ESYT3: variants seen among roughly 807,000 people sequenced by gnomAD.
ESYT3 encodes extended synaptotagmin-3.
In ESYT3, 101 loss-of-function variants were observed where a neutral mutation model predicts 111.5. That is an observed-to-expected ratio of 0.91 (90% CI 0.77 to 1.07). The LOEUF is 1.07. Among genes scored for constraint, ESYT3 ranks in the 50% least tolerant of loss-of-function variants. ESYT3 has a pLI of 0.00. For synonymous variants in ESYT3, 416 were observed against 446.8 expected, an observed-to-expected ratio of 0.93 and a Z score of 0.87; for missense variants, 1,097 against 1,109.4, an observed-to-expected ratio of 0.99 and a Z score of 0.16.
In ESYT3 at chr3:138,469,503, A is replaced by G. The variant is rs1364830305; in HGVS notation, c.1502A>G (p.Lys501Arg). 1 of 1,613,790 alleles carries G rather than the reference A, an allele frequency of 6.2e-7. No individual in the cohort carries two copies. Among genetic ancestry groups the G allele is most frequent in the Non-Finnish European group, 8.5e-7 (1 of 1,179,734 alleles). ...LSVGKKTHTS[K>R]TCPHNKDPVW... is the part of the protein sequence containing the mutation. Reference sequence around the variant, plus strand: ...GTAGGCAAGAAGACACATACAAGTAAGGTAAGACAGCTTGGTGTGTAGCCC... The same window carrying G: ...GTAGGCAAGAAGACACATACAAGTAGGGTAAGACAGCTTGGTGTGTAGCCC... The change falls in exon 15 of 23, where the codon AAG (lysine) becomes AGG (arginine). Residue 501 changes from lysine to arginine, a missense_variant and splice_region_variant. Lys to Arg is a conservative substitution (Grantham distance 26). Coordinates refer to ENST00000389567, the MANE Select transcript of ESYT3 (RefSeq NM_031913.5).
intron 1 of ESYT3, among the ~76,000 whole-genome samples, chr3:138,444,657 T>C (rs1295573274): frequency 1.3e-5 from 2 of 152,192 alleles, no homozygotes; most frequent in Admixed American, 1.3e-4. Flanking sequence ...CCTGCCTGGC[T>C]ACAGAAAGCA....
intron 4 of ESYT3, 82 bp downstream of exon 4, chr3:138,457,726 T>C: frequency 3.0e-6 from 4 of 1,323,508 alleles, no homozygotes; most frequent in Non-Finnish European, 4.3e-6. Context: ...GAGTAGTATA[T>C]ATATACTCTG....
intron 11 of ESYT3, 63 bp from the exon 12 acceptor site, chr3:138,468,042 C>T: frequency 2.0e-6 from 3 of 1,503,624 alleles, no homozygotes; most frequent in Admixed American, 3.4e-5. Flanking sequence ...ACTGGGCTGC[C>T]CAGAGAGCAT....
rs1560204065 is a variant in ESYT3 at position 138,435,043 on chromosome 3, G to T, written c.245G>T (p.Arg82Leu). Reference protein sequence around the residue: ...WRRNRRGKLGRLAAAFEFLDN... With the variant: ...WRRNRRGKLGLLAAAFEFLDN... ...AGGAACCGCCGCGGGAAGCTTGGGC[G>T]CCTGGCCGCCGCCTTCGAATTCCTT... Residue 82 changes from arginine (R) to leucine (L), a missense_variant, in exon 1 of 23, where the codon CGC (arginine) becomes CTC (leucine). Arg to Leu is a moderately radical substitution (Grantham distance 102). Coordinates refer to ENST00000389567, the MANE Select transcript of ESYT3 (RefSeq NM_031913.5). The surrounding 1 kb of genome is among the most constrained non-coding windows in gnomAD (Gnocchi z 4.8). The T allele has an allele frequency of 1.9e-6, 3 of 1,586,816 alleles. No homozygotes were observed. The highest frequency in any genetic ancestry group is 2.6e-6 in the Non-Finnish European group (3 of 1,168,338).
At chr3:138,457,542 C>T (rs764687368) in intron 3 of ESYT3, 26 bp from the exon 4 acceptor site, 9 of 1,612,518 alleles carry the variant, frequency 5.6e-6, no homozygotes, top group South Asian at 5.5e-5. Context: ...AAGCCTCTGA[C>T]CTAGCCCTTT....
rs1274767986 is a variant in ESYT3 at position 138,458,701 on chromosome 3, G to A, written c.582-486G>A. On this transcript the variant is annotated intron_variant, in intron 4 of 22. Coordinates refer to ENST00000389567, the MANE Select transcript of ESYT3 (RefSeq NM_031913.5). The stretch of plus-strand genomic sequence containing the variant: ...TTGGGCTTCTGTGCTGAAGCCTGAC[G>A]CCTTGTTACCTTTGCCCACCTCCAC... Among the ~76,000 whole-genome samples, 3 of 152,324 alleles carry A rather than the reference G, an allele frequency of 2.0e-5. 1 individual carries two copies. Among genetic ancestry groups the A allele is most frequent in the African/African-American group, 4.8e-5 (2 of 41,572 alleles).
intron 1 of ESYT3, among the ~76,000 whole-genome samples, chr3:138,444,271 G>T (rs936057361): frequency 1.3e-5 from 2 of 152,220 alleles, no homozygotes; most frequent in Non-Finnish European, 2.9e-5. Context: ...GGAGGCCTCA[G>T]ATGGGGAGGG....
Position 138,455,182 on chromosome 3 carries a change from C to T in ESYT3, c.370-12C>T, listed in dbSNP as rs1238048297. ...AGACCTGACTACCAAGAGCCTCTTC[C>T]CGTCTTCACAGATCATCTCTCAGAC... On this transcript the variant is annotated splice_polypyrimidine_tract_variant and intron_variant, in intron 2 of 22. Transcript: ENST00000389567. The T allele has an allele frequency of 6.2e-7, 1 of 1,614,044 alleles. No individual in the cohort carries two copies. The highest frequency in any genetic ancestry group is 2.2e-5 in the East Asian group (1 of 44,888).
chr3:138,471,192 C>T (rs956449923), intron 17 of ESYT3, among the ~76,000 whole-genome samples, 166 bp downstream of exon 17: 1 of 152,150 alleles, frequency 6.6e-6, no homozygotes, highest in African/African-American at 2.4e-5. Flanking sequence ...AGTCAATATT[C>T]AAAGAGATAC....
At chr3:138,455,673 C>T (rs762093786) in intron 3 of ESYT3, among the ~76,000 whole-genome samples, 6 of 152,214 alleles carry the variant, frequency 3.9e-5, no homozygotes, top group Non-Finnish European at 7.3e-5. Context: ...ATCATAGTTG[C>T]TAACCTCAGA....
At chr3:138,467,499 C>T (rs1439543819) in intron 10 of ESYT3, 62 bp from the exon 11 acceptor site, 3 of 1,545,344 alleles carry the variant, frequency 1.9e-6, no homozygotes, top group East Asian at 4.5e-5. Context: ...GTGTGGGCCT[C>T]CATGCCCTCT....
rs1175063422 is a variant in ESYT3 at position 138,435,092 on chromosome 3, C to T, written c.294C>T (p.Ser98=). 3 of 1,589,756 alleles carry T rather than the reference C, an allele frequency of 1.9e-6. No individual in the cohort carries two copies. The highest frequency in any genetic ancestry group is 8.5e-7 in the Non-Finnish European group (1 of 1,170,728). ...TTGACAATGAACGCGAGTTCATCAG[C>T]CGCGAGCTGCGGGGCCAGCACCTGC... ...EFLDNEREFI[S]RELRGQHLPA... Residue 98 remains serine (S), a synonymous_variant, in exon 1 of 23, where the codon AGC becomes AGT. Transcript: ENST00000389567. The surrounding 1 kb of genome is among the most constrained non-coding windows in gnomAD (Gnocchi z 4.8).
chr3:138,473,465 T>G, intron 18 of ESYT3, 71 bp from the exon 19 acceptor site: 1 of 1,348,328 alleles, frequency 7.4e-7, no homozygotes, highest in Non-Finnish European at 1.1e-6. Flanking sequence ...AATGCTTCTT[T>G]GTCTTTGGGG....
intron 1 of ESYT3, among the ~76,000 whole-genome samples, chr3:138,444,748 C>G (rs997296626): frequency 6.6e-6 from 1 of 152,154 alleles, no homozygotes; most frequent in African/African-American, 2.4e-5. Flanking sequence ...TGTTTTTTGC[C>G]TTTTGGCTCT....
chr3:138,468,725 G>T lies in ESYT3; in HGVS notation c.1371+8G>T, dbSNP rs368261418. The T allele has an allele frequency of 1.2e-6, 2 of 1,614,004 alleles. No homozygotes were observed. The highest frequency in any genetic ancestry group is 4.5e-5 in the East Asian group (2 of 44,884). ...AGTGCCTGCAACTTGCCGGTGAGTG[G>T]CGACATGTCCAGAGTGTCACACAAA... On this transcript the variant is annotated splice_region_variant and intron_variant, in intron 13 of 22. Transcript: ENST00000389567.
rs2108636710 is a variant in ESYT3 at position 138,479,862 on chromosome 3, G to A, written c.*3008G>A. Reference sequence around the variant, plus strand: ...ATCTGCATCCTGAAGTTGATATTCTGTATCCCCTAGAGTCCACTTCTACCC... The same window carrying A: ...ATCTGCATCCTGAAGTTGATATTCTATATCCCCTAGAGTCCACTTCTACCC... On this transcript the variant is annotated 3_prime_UTR_variant, in exon 23 of 23. Transcript: ENST00000389567. 1 of 152,242 alleles carries A rather than the reference G, an allele frequency of 6.6e-6. No homozygotes were observed. The highest frequency in any genetic ancestry group is 1.9e-4 in the East Asian group (1 of 5,180). 9.4% of individuals were successfully genotyped at this position (152,242 alleles called of 1,614,324 possible). A position where few individuals can be genotyped will look rare whatever the true frequency, so the allele number is the denominator to read the frequency against.
chr3:138,449,011 A>G (rs191849300), intron 1 of ESYT3, among the ~76,000 whole-genome samples: 2 of 151,956 alleles, frequency 1.3e-5, no homozygotes, highest in East Asian at 1.9e-4. Context: ...GGTGTGGGCA[A>G]TCGAGAGAAA....
chr3:138,447,296 T>C (rs1341861797), intron 1 of ESYT3, among the ~76,000 whole-genome samples: 1 of 152,206 alleles, frequency 6.6e-6, no homozygotes, highest in Non-Finnish European at 1.5e-5. Context: ...TATCAACATA[T>C]TCCAGTGAAT....
Position 138,455,265 on chromosome 3 carries a change from G to A in ESYT3, c.441G>A (p.Lys147=), listed in dbSNP as rs1487812394. 11 of 1,614,140 alleles carry A rather than the reference G, an allele frequency of 6.8e-6. No individual in the cohort carries two copies. Among genetic ancestry groups the A allele is most frequent in the Non-Finnish European group, 9.3e-6 (11 of 1,180,022 alleles). ...ESKFREKLEP[K]IREKSIHLRT... is the part of the protein sequence containing the mutation. ...AGTTCCGGGAGAAACTTGAGCCCAAGATCCGAGAGAAGAGCATCCACCTGA... is the reference window on the plus strand; with the variant it reads ...AGTTCCGGGAGAAACTTGAGCCCAAAATCCGAGAGAAGAGCATCCACCTGA... Residue 147 remains lysine (K), a synonymous_variant, in exon 3 of 23, where the codon AAG becomes AAA. Coordinates refer to ENST00000389567, the MANE Select transcript of ESYT3 (RefSeq NM_031913.5).
Sources: gnomAD v4.1 joint callset for allele counts (sites outside exome capture counted in the v4.1 genomes callset) on GRCh38, gnomAD v4.1.1 for gene constraint, Gnocchi (gnomAD v3.1) non-coding constraint, MANE v1.5 for transcripts, NCBI Gene and HGNC (gene_info 2026-07-23, HGNC 2026-07-21) for gene names.